The following BAG6 variants were observed in gnomAD, a reference collection of about 807,000 sequenced individuals.
BAG6 encodes BAG cochaperone 6.
In BAG6, 22 loss-of-function variants were observed where a neutral mutation model predicts 121.0. The ratio of observed to expected loss-of-function variants is 0.18; its 90% CI spans 0.13 to 0.26. The LOEUF (loss-of-function observed/expected upper bound fraction) is 0.26, where lower values mean the gene tolerates loss of function less well. BAG6 is among the 10% of genes least tolerant of loss of function. BAG6 has a pLI of 1.00. For missense variants in BAG6, 1,233 were observed against 1,537.7 expected (o/e 0.80, Z 3.31); for synonymous variants, 583 against 584.6 (o/e 1.00, Z 0.04).
chr6:31,640,043 C>G lies in BAG6; in HGVS notation c.3246+156G>C, dbSNP rs564725487. On this transcript the variant is annotated intron_variant, in intron 24 of 25. Transcript: ENST00000676615. This position sits in a 1 kb window ranked among gnomAD's most constrained non-coding sequence, Gnocchi z 4.2. The stretch of plus-strand genomic sequence containing the variant: ...CAAGTCCTGTATGGTTATGCAACAA[C>G]CAAGAGCAAGTCTGAATCCCAGAAA... 6.6e-6 allele frequency among the ~76,000 whole-genome samples: 1 copy of G among 152,288 alleles called. No individual in the cohort carries two copies. Among genetic ancestry groups the G allele is most frequent in the East Asian group, 1.9e-4 (1 of 5,184 alleles).
chr6:31,640,295 A>G lies in BAG6; in HGVS notation c.3150T>C (p.Pro1050=). The G allele has an allele frequency of 1.2e-6, 2 of 1,614,192 alleles. No homozygotes were observed. The highest frequency in any genetic ancestry group is 3.3e-4 in the Middle Eastern group (2 of 6,062). Residue 1050 remains proline, a synonymous_variant, in exon 24 of 26, where the codon CCT becomes CCC. Coordinates refer to ENST00000676615, the MANE Select transcript of BAG6 (RefSeq NM_001387994.1). This position sits in a 1 kb window ranked among gnomAD's most constrained non-coding sequence, Gnocchi z 4.2. ...WAAAVPPEWV[P]IIQQDIQSQR... ...GGCTCTGAATGTCCTGCTGGATAAT[A>G]GGGACCCATTCCTGGGGAGGAAAAG...
rs1793948030 is a variant in BAG6 at position 31,649,496 on chromosome 6, C to T, written c.226+14G>A. On this transcript the variant is annotated intron_variant, in intron 3 of 25. Transcript: ENST00000676615. ...GTAGCCCCAACCTCTGAACTGCCTCCCCAGCCCCCTTACTGTATTCCTGAA... is the reference window on the plus strand; with the variant it reads ...GTAGCCCCAACCTCTGAACTGCCTCTCCAGCCCCCTTACTGTATTCCTGAA... 6.2e-7 allele frequency: 1 copy of T among 1,613,846 alleles called. No individual in the cohort carries two copies. Among genetic ancestry groups the T allele is most frequent in the African/African-American group, 1.3e-5 (1 of 75,040 alleles).
Position 31,640,080 on chromosome 6 carries a change from T to G in BAG6, c.3246+119A>C, listed in dbSNP as rs970179855. ...CTGAATCCCAGAAAAAGTTTCCTCA[T>G]TAAACGAGGGGAGGGGAGACTGAAT... On this transcript the variant is annotated intron_variant, in intron 24 of 25. Coordinates refer to ENST00000676615, the MANE Select transcript of BAG6 (RefSeq NM_001387994.1). This position sits in a 1 kb window ranked among gnomAD's most constrained non-coding sequence, Gnocchi z 4.2. 1.2e-5 allele frequency: 12 copies of G among 1,032,116 alleles called. No homozygotes were observed. The African/African-American group carries it at 1.9e-4, about 17-fold the overall frequency. 63.9% of individuals were successfully genotyped at this position (1,032,116 alleles called of 1,614,324 possible). A position where few individuals can be genotyped will look rare whatever the true frequency, so the allele number is the denominator to read the frequency against.
chr6:31,650,332 G>A (rs1056562940), intron 2 of BAG6, among the ~76,000 whole-genome samples: 7 of 152,006 alleles, frequency 4.6e-5, no homozygotes, highest in African/African-American at 1.7e-4. Flanking sequence ...GATGGGGTCT[G>A]GTATCAGGTT....
Position 31,641,574 on chromosome 6 carries a change from T to C in BAG6, c.2524A>G (p.Ile842Val). The C allele has an allele frequency of 1.9e-6, 3 of 1,614,146 alleles. No individual in the cohort carries two copies. Among genetic ancestry groups the C allele is most frequent in the Non-Finnish European group, 2.5e-6 (3 of 1,179,976 alleles). ...CGCACATACTCTTCTAGCCCCGTGATCAATGTGTGGGTTGCCATCTGTGGA... is the reference window on the plus strand; with the variant it reads ...CGCACATACTCTTCTAGCCCCGTGACCAATGTGTGGGTTGCCATCTGTGGA... ...SNIRMATHTL[I>V]TGLEEYVRES... is the part of the protein sequence containing the mutation. The change falls in exon 18 of 26, where the codon ATC becomes GTC. Residue 842 changes from isoleucine (I) to valine (V), a missense_variant. Ile to Val is a conservative substitution (Grantham distance 29). Coordinates refer to ENST00000676615, the MANE Select transcript of BAG6 (RefSeq NM_001387994.1). This position sits in a 1 kb window ranked among gnomAD's most constrained non-coding sequence, Gnocchi z 5.7.
chr6:31,650,875 C>T (rs1795879255), intron 2 of BAG6, among the ~76,000 whole-genome samples: 1 of 152,102 alleles, frequency 6.6e-6, no homozygotes, highest in Non-Finnish European at 1.5e-5. Context: ...TAGCTATGTC[C>T]AAGGCTTTAA....
Position 31,642,757 on chromosome 6 carries a change from G to A in BAG6, c.2043+72C>T, listed in dbSNP as rs1583325344. On this transcript the variant is annotated intron_variant, in intron 15 of 25. Coordinates refer to ENST00000676615, the MANE Select transcript of BAG6 (RefSeq NM_001387994.1). ...GGCTCTTACCCAGTGGTTATATAAT[G>A]GCAAGAAGGTACCACTGCCTGGCTG... 5 of 1,555,312 alleles carry A rather than the reference G, an allele frequency of 3.2e-6. No individual in the cohort carries two copies. The East Asian group carries it at 1.2e-4, about 38-fold the overall frequency.
Position 31,640,519 on chromosome 6 carries a change from C to T in BAG6, c.3004G>A (p.Ala1002Thr). 6.2e-7 allele frequency: 1 copy of T among 1,612,992 alleles called. No individual in the cohort carries two copies. The highest frequency in any genetic ancestry group is 8.5e-7 in the Non-Finnish European group (1 of 1,179,998). ...RASPEPQRENASPAPGTTAEE... is the reference protein window; with the variant it reads ...RASPEPQRENTSPAPGTTAEE... ...GCTGTTGTTCCAGGGGCTGGGGAAG[C>T]ATTCTCCCGCTGGGTGTCAGATGGC... Residue 1002 changes from alanine (A) to threonine (T), a missense_variant, in exon 23 of 26, where the codon GCT becomes ACT. Around this residue, in one of 7 missense-constraint regions of BAG6, gnomAD observed 288 missense variants for 483.1 expected, o/e 0.60. Coordinates refer to ENST00000676615, the MANE Select transcript of BAG6 (RefSeq NM_001387994.1). The surrounding 1 kb of genome is among the most constrained non-coding windows in gnomAD (Gnocchi z 4.2).
rs1205267366 is a variant in BAG6 at position 31,643,007 on chromosome 6, G to A, written c.1865C>T (p.Ala622Val). The A allele has an allele frequency of 1.3e-6, 2 of 1,592,912 alleles. No homozygotes were observed. The highest frequency in any genetic ancestry group is 1.7e-6 in the Non-Finnish European group (2 of 1,170,764). The change falls in exon 15 of 26, where the codon GCC (alanine) becomes GTC (valine). Residue 622 changes from alanine (A) to valine (V), a missense_variant. Transcript: ENST00000676615. Reference protein sequence around the residue: ...TTAGPAPGGPAQPPPTPQPSM... With the variant: ...TTAGPAPGGPVQPPPTPQPSM... ...GGGTTGAGGGGTGGGTGGAGGCTGGGCAGGCCCCCCAGGAGCGGGGCCAGC... is the reference window on the plus strand; with the variant it reads ...GGGTTGAGGGGTGGGTGGAGGCTGGACAGGCCCCCCAGGAGCGGGGCCAGC...
rs1427236417 is a variant in BAG6, at chr6:31,649,347, G to C, written c.275C>G (p.Thr92Ser). 2.5e-6 allele frequency: 4 copies of C among 1,611,962 alleles called. No homozygotes were observed. The highest frequency in any genetic ancestry group is 3.4e-6 in the Non-Finnish European group (4 of 1,179,144). ...IHLVERAPPQ[T>S]HLPSGASSGT... ...AGAAGATGCCCCAGAAGGGAGGTGA[G>C]TCTGAGGAGGAGCCCGTTCCACCAG... The change falls in exon 4 of 26, where the codon ACT becomes AGT. Residue 92 changes from threonine to serine, a missense_variant. Physicochemically the swap from Thr to Ser is moderately conservative, Grantham distance 58 (BLOSUM62 1). Around this residue, in one of 7 missense-constraint regions of BAG6, gnomAD observed 777 missense variants for 861.4 expected, o/e 0.90. Transcript: ENST00000676615.
At chr6:31,647,964 C>G (rs1467186093) in intron 6 of BAG6, 138 bp from the exon 7 acceptor site, 6 of 1,162,296 alleles carry the variant, frequency 5.2e-6, no homozygotes, top group Non-Finnish European at 6.8e-6. Flanking sequence ...CTCCGACTCG[C>G]TAGCAACTAG....
At chr6:31,648,642 G>A (rs1320230637) in intron 6 of BAG6, 35 bp downstream of exon 6, 2 of 1,603,368 alleles carry the variant, frequency 1.2e-6, no homozygotes, top group South Asian at 1.1e-5. Flanking sequence ...GAGAGGGAGG[G>A]TGGAGAGAGA....
intron 1 of BAG6, 198 bp from the exon 2 acceptor site, chr6:31,651,974 G>A: frequency 3.8e-6 from 2 of 522,586 alleles, no homozygotes; most frequent in Non-Finnish European, 7.0e-6. Flanking sequence ...ACGGCTTAGG[G>A]AGCTGGAGGA....
intron 4 of BAG6, 104 bp from the exon 5 acceptor site, chr6:31,649,068 T>G: frequency 6.7e-7 from 1 of 1,493,394 alleles, no homozygotes; most frequent in Non-Finnish European, 9.1e-7. Context: ...CCTTAAAGAC[T>G]GAGACCAATA....
intron 15 of BAG6, 183 bp downstream of exon 15, chr6:31,642,646 T>C: frequency 1.3e-6 from 1 of 796,394 alleles, no homozygotes; most frequent in Non-Finnish European, 2.0e-6. Flanking sequence ...TACTTTCTTT[T>C]TCTAAACCTC....
chr6:31,639,429 G>A, intron 25 of BAG6, 71 bp downstream of exon 25: 1 of 1,558,606 alleles, frequency 6.4e-7, no homozygotes, highest in Non-Finnish European at 8.7e-7. Flanking sequence ...ATCGCTGAAG[G>A]GATCCAGGGA....
Position 31,649,333 on chromosome 6 carries a change from C to T in BAG6, c.289G>A (p.Gly97Arg). 6.2e-7 allele frequency: 1 copy of T among 1,613,340 alleles called. No homozygotes were observed. The highest frequency in any genetic ancestry group is 8.5e-7 in the Non-Finnish European group (1 of 1,179,746). The change falls in exon 4 of 26, where the codon GGG becomes AGG. Residue 97 changes from glycine (G) to arginine (R), a missense_variant. This residue lies in a region of BAG6 where 777 missense variants were observed against 861.4 expected (regional missense o/e 0.90). Transcript: ENST00000676615. ...RAPPQTHLPS[G>R]ASSGTGSASA... is the part of the protein sequence containing the mutation. Reference sequence around the variant, plus strand: ...GCAGACCCCGTCCCAGAAGATGCCCCAGAAGGGAGGTGAGTCTGAGGAGGA... The same window carrying T: ...GCAGACCCCGTCCCAGAAGATGCCCTAGAAGGGAGGTGAGTCTGAGGAGGA...
rs1201727432 is a variant in BAG6, at chr6:31,642,420, GA to G, written c.2044-18del. The G allele has an allele frequency of 3.3e-6, 3 of 899,738 alleles. No homozygotes were observed. In the African/African-American group the frequency reaches 5.0e-5, roughly 15 times the overall value. The allele number at this position is 899,738 out of a possible 1,614,324, so 55.7% of individuals were successfully genotyped here. Reference sequence around the variant, plus strand: ...CTGTGTTGCCTGGCAAATAAAGAAAGAACAAAGAACAGAAAGTGAGGTGAGA... The same window carrying G: ...CTGTGTTGCCTGGCAAATAAAGAAAGACAAAGAACAGAAAGTGAGGTGAGA... On this transcript the variant is annotated intron_variant, in intron 15 of 25. Coordinates refer to ENST00000676615, the MANE Select transcript of BAG6 (RefSeq NM_001387994.1).
At chr6:31,649,174 C>T (rs756229631) in intron 4 of BAG6, 25 bp downstream of exon 4, 126 of 1,611,702 alleles carry the variant, frequency 7.8e-5, no homozygotes, top group Non-Finnish European at 1.0e-4. Flanking sequence ...CCACAAAAGC[C>T]CTCCCCTGTG....
Sources: gnomAD v4.1 joint callset for allele counts (sites outside exome capture counted in the v4.1 genomes callset) on GRCh38, gnomAD v4.1.1 for gene constraint, gnomAD v4.1.1 regional missense constraint, Gnocchi (gnomAD v3.1) non-coding constraint, MANE v1.5 for transcripts, NCBI Gene and HGNC (gene_info 2026-07-23, HGNC 2026-07-21) for gene names.